The following LGR6 variants were observed in gnomAD, a reference collection of about 807,000 sequenced individuals.
LGR6 encodes leucine-rich repeat-containing G protein-coupled receptor 6.
Under a neutral mutation model 69.4 loss-of-function variants are expected in LGR6, and 45 were observed. The ratio of observed to expected loss-of-function variants is 0.65; its 90% CI spans 0.51 to 0.83. The LOEUF (loss-of-function observed/expected upper bound fraction) is 0.83. Among genes scored for constraint, LGR6 ranks in the 40% least tolerant of loss-of-function variants. The pLI is 0.00. For synonymous variants in LGR6, 538 were observed against 555.0 expected (o/e 0.97, Z 0.43); for missense variants, 1,108 against 1,246.7 (o/e 0.89, Z 1.68).
chr1:202,243,099 G>A (rs994955132), intron 4 of LGR6, among the ~76,000 whole-genome samples: 4 of 151,970 alleles, frequency 2.6e-5, no homozygotes, highest in African/African-American at 9.7e-5. Context: ...TAACCAGGGT[G>A]CTGGGCTGCC....
In LGR6 at chr1:202,318,902, A is replaced by T; in HGVS notation, c.2599A>T (p.Thr867Ser). 6.2e-7 allele frequency: 1 copy of T among 1,613,982 alleles called. No homozygotes were observed. Among genetic ancestry groups the T allele is most frequent in the Non-Finnish European group, 8.5e-7 (1 of 1,179,954 alleles). Residue 867 changes from threonine to serine, a missense_variant, in exon 18 of 18, where the codon ACC becomes TCC. Physicochemically the swap from Thr to Ser is moderately conservative, Grantham distance 58. Transcript: ENST00000367278. ...GELEKSSCDS[T>S]QALVAFSDVD... ...GCTGGAGAAGAGCTCCTGTGATTCT[A>T]CCCAGGCCCTGGTAGCCTTCTCTGA...
At chr1:202,282,688 A>G (rs892504564) in intron 6 of LGR6, among the ~76,000 whole-genome samples, 1 of 152,176 alleles carries the variant, frequency 6.6e-6, no homozygotes, top group African/African-American at 2.4e-5. Flanking sequence ...TACACTGACT[A>G]TGTGTTGGCG....
chr1:202,281,069 G>T, intron 6 of LGR6: 1 of 541,274 alleles, frequency 1.8e-6, no homozygotes, highest in Non-Finnish European at 3.3e-6. Flanking sequence ...TGTGCCCTCT[G>T]GGAGTTCAGA....
At chr1:202,302,960 T>G (rs988373805) in intron 9 of LGR6, among the ~76,000 whole-genome samples, 1 of 152,138 alleles carries the variant, frequency 6.6e-6, no homozygotes, top group African/African-American at 2.4e-5. Context: ...GCACCCAAGC[T>G]GTTGTCTATT....
chr1:202,288,275 T>TC (rs1292935889), intron 6 of LGR6, among the ~76,000 whole-genome samples: 2 of 152,126 alleles, frequency 1.3e-5, no homozygotes, highest in African/African-American at 4.8e-5. Flanking sequence ...CAACCTCCAT[T>TC]CCCAGCACTC....
chr1:202,275,389 C>T (rs1186981790), intron 4 of LGR6, among the ~76,000 whole-genome samples: 4 of 152,160 alleles, frequency 2.6e-5, no homozygotes, highest in Non-Finnish European at 5.9e-5. Flanking sequence ...TAAAGGCTGT[C>T]GTGGCCTGGG....
At chr1:202,230,054 C>T (rs1358530074) in intron 3 of LGR6, among the ~76,000 whole-genome samples, 2 of 152,156 alleles carry the variant, frequency 1.3e-5, no homozygotes, top group Non-Finnish European at 2.9e-5. Flanking sequence ...GAGACAGTCA[C>T]CTTAGCTACT....
intron 3 of LGR6, among the ~76,000 whole-genome samples, chr1:202,230,698 C>T (rs1253823290): frequency 6.6e-6 from 1 of 152,198 alleles, no homozygotes; most frequent in Non-Finnish European, 1.5e-5. Flanking sequence ...TTTCCTGTCT[C>T]GTCTCCATCA....
chr1:202,309,462 C>G (rs963569903), intron 15 of LGR6, among the ~76,000 whole-genome samples: 1 of 152,238 alleles, frequency 6.6e-6, no homozygotes, highest in Non-Finnish European at 1.5e-5. Flanking sequence ...GACCCCCTAG[C>G]CCTCCTTGCA....
At chr1:202,280,681 T>C in intron 5 of LGR6, 100 bp from the exon 6 acceptor site, 1 of 1,037,048 alleles carries the variant, frequency 9.6e-7, no homozygotes, top group Non-Finnish European at 1.5e-6. Context: ...ATTCTGTCCA[T>C]GCTTCTGCCT....
At chr1:202,314,328 C>A (rs976148115) in intron 16 of LGR6, among the ~76,000 whole-genome samples, 9 of 152,302 alleles carry the variant, frequency 5.9e-5, no homozygotes, top group South Asian at 2.1e-4. Flanking sequence ...CAAATGGCTT[C>A]TGCTCTCCCA....
At chr1:202,258,116 C>G (rs536335930) in intron 4 of LGR6, among the ~76,000 whole-genome samples, 1 of 152,052 alleles carries the variant, frequency 6.6e-6, no homozygotes, top group African/African-American at 2.4e-5. Context: ...TTGGAATACT[C>G]ATTGCAAGTG....
chr1:202,273,186 G>A (rs886941118), intron 4 of LGR6, among the ~76,000 whole-genome samples: 11 of 152,182 alleles, frequency 7.2e-5, no homozygotes, highest in Non-Finnish European at 1.5e-4. Context: ...ACGGTACCTG[G>A]TATTGTATAC....
chr1:202,280,944 G>A lies in LGR6; in HGVS notation c.716+92G>A, dbSNP rs1250553616. 5 of 1,200,984 alleles carry A rather than the reference G, an allele frequency of 4.2e-6. No individual in the cohort carries two copies. The Admixed American group carries it at 5.7e-5, about 14-fold the overall frequency. 74.4% of individuals were successfully genotyped at this position (1,200,984 alleles called of 1,614,324 possible). A position where few individuals can be genotyped will look rare whatever the true frequency, so the allele number is the denominator to read the frequency against. On this transcript the variant is annotated intron_variant, in intron 6 of 17. Transcript: ENST00000367278. ...AGGGAGCACACAGAGGGAAGAGCCAGCAGTCCTGGGATGCTGGGGTCTGGC... is the reference window on the plus strand; with the variant it reads ...AGGGAGCACACAGAGGGAAGAGCCAACAGTCCTGGGATGCTGGGGTCTGGC...
chr1:202,246,782 T>G (rs954678716), intron 4 of LGR6, among the ~76,000 whole-genome samples: 1 of 152,174 alleles, frequency 6.6e-6, no homozygotes, highest in Non-Finnish European at 1.5e-5. Flanking sequence ...AAAATCATAT[T>G]GGTAGTTAAT....
chr1:202,309,006 G>A (rs1653495567), intron 14 of LGR6, 45 bp from the exon 15 acceptor site: 16 of 1,609,320 alleles, frequency 9.9e-6, no homozygotes, highest in Non-Finnish European at 1.4e-5. Context: ...TGCCCCCTCA[G>A]CAATCCCACT....
chr1:202,239,383 G>A (rs552544354), intron 4 of LGR6, among the ~76,000 whole-genome samples: 8 of 149,282 alleles, frequency 5.4e-5, no homozygotes, highest in African/African-American at 2.0e-4. Context: ...GTGTGTGTGT[G>A]TGGTGTGTTG....
intron 4 of LGR6, among the ~76,000 whole-genome samples, chr1:202,259,102 A>G (rs1188054266): frequency 6.6e-6 from 1 of 152,114 alleles, no homozygotes; most frequent in Non-Finnish European, 1.5e-5. Flanking sequence ...ACATCACAGT[A>G]TTCTTTGGAT....
At chr1:202,283,738 A>G (rs1397996656) in intron 6 of LGR6, among the ~76,000 whole-genome samples, 1 of 152,222 alleles carries the variant, frequency 6.6e-6, no homozygotes, top group Admixed American at 6.5e-5. Flanking sequence ...CACACGTGCC[A>G]CATGTTTCAA....
Sources: gnomAD v4.1 joint callset for allele counts (sites outside exome capture counted in the v4.1 genomes callset) on GRCh38, gnomAD v4.1.1 for gene constraint, MANE v1.5 for transcripts, NCBI Gene and HGNC (gene_info 2026-07-23, HGNC 2026-07-21) for gene names.